Variants in RABGEF1 observed in about 807,000 individuals in gnomAD.
RABGEF1 encodes rab5 GDP/GTP exchange factor.
Under a neutral mutation model 57.3 loss-of-function variants are expected in RABGEF1, and 26 were observed. The observed-to-expected ratio is 0.45, with a 90% CI of 0.33 to 0.63. RABGEF1 has a LOEUF of 0.63. Among genes scored for constraint, RABGEF1 ranks in the 20% least tolerant of loss-of-function variants. The pLI is 0.02. For missense variants in RABGEF1, 464 were observed against 607.6 expected, an observed-to-expected ratio of 0.76 and a Z score of 2.48; for synonymous variants, 185 against 210.7, an observed-to-expected ratio of 0.88 and a Z score of 1.06.
chr7:66,681,990 A>C (rs1789786873), upstream of RABGEF1, among the ~76,000 whole-genome samples: 1 of 152,226 alleles, frequency 6.6e-6, no homozygotes, highest in African/African-American at 2.4e-5. Context: ...CTTGGGCGTC[A>C]GAGCGGCACC....
At chr7:66,693,160 T>C (rs1206084181) in intron 1 of RABGEF1, among the ~76,000 whole-genome samples, 1 of 151,944 alleles carries the variant, frequency 6.6e-6, no homozygotes, top group African/African-American at 2.4e-5. Flanking sequence ...AAGGGGGAGA[T>C]TCGGGGACAG....
chr7:66,720,845 C>G (rs547779172), intron 2 of RABGEF1, among the ~76,000 whole-genome samples: 2 of 152,186 alleles, frequency 1.3e-5, no homozygotes, highest in Non-Finnish European at 2.9e-5. Context: ...TTAGCAGAAC[C>G]AAGTGTCAAT....
At chr7:66,696,130 A>G (rs1358573133) in intron 1 of RABGEF1, among the ~76,000 whole-genome samples, 1 of 151,946 alleles carries the variant, frequency 6.6e-6, no homozygotes, top group Non-Finnish European at 1.5e-5. Flanking sequence ...CAGTGGCACA[A>G]TCATAGCTCA....
intron 2 of RABGEF1, chr7:66,773,678 G>C: frequency 2.2e-6 from 1 of 453,836 alleles, no homozygotes. Context: ...TTGTTTGTTT[G>C]TTTTTGAGAC....
intron 1 of RABGEF1, among the ~76,000 whole-genome samples, chr7:66,748,543 ATTTG>A (rs1054036047): frequency 2.3e-4 from 35 of 152,154 alleles, no homozygotes; most frequent in Non-Finnish European, 2.8e-4. Flanking sequence ...AAGGGCACAT[ATTTG>A]TTTGTTTGTT....
chr7:66,708,522 C>T (rs528952843), intron 1 of RABGEF1, among the ~76,000 whole-genome samples: 29 of 152,264 alleles, frequency 1.9e-4, no homozygotes, highest in African/African-American at 7.0e-4. Context: ...CTCCTGACCT[C>T]AAGTGATCCG....
intron 1 of RABGEF1, among the ~76,000 whole-genome samples, chr7:66,683,442 A>G (rs1562688491): frequency 6.6e-6 from 1 of 152,220 alleles, no homozygotes; most frequent in African/African-American, 2.4e-5. Flanking sequence ...ATGAATATTT[A>G]ATGACCTTTC....
At chr7:66,741,337 C>A (rs1022833201) in intron 1 of RABGEF1, among the ~76,000 whole-genome samples, 6 of 152,320 alleles carry the variant, frequency 3.9e-5, no homozygotes, top group African/African-American at 1.2e-4. Context: ...GATTTGAAGC[C>A]TGTGGTCCTG....
At chr7:66,675,755 C>T in the RABGEF1 span, among the ~76,000 whole-genome samples, 6 of 152,108 alleles carry the variant, frequency 3.9e-5, no homozygotes, top group Admixed American at 3.9e-4. Flanking sequence ...TCAACACACA[C>T]AAAAATTAGT....
chr7:66,677,761 C>CAAA (rs35401177), upstream of RABGEF1, among the ~76,000 whole-genome samples: 1 of 67,476 alleles, frequency 1.5e-5, no homozygotes, highest in African/African-American at 6.4e-5. Context: ...GACTCCGTCT[C>CAAA]AAAAAAAAAA....
intron 2 of RABGEF1, among the ~76,000 whole-genome samples, chr7:66,733,256 C>A (rs1194432402): frequency 1.3e-5 from 2 of 152,206 alleles, no homozygotes; most frequent in Non-Finnish European, 2.9e-5. Flanking sequence ...GTCCACACTG[C>A]CTCCCCACTT....
chr7:66,672,188 C>T, the RABGEF1 span, among the ~76,000 whole-genome samples: 36 of 150,320 alleles, frequency 2.4e-4, no homozygotes, highest in Non-Finnish European at 2.2e-4. Flanking sequence ...TTTGGGAGGC[C>T]GAGGCAGGCG....
chr7:66,707,628 C>A (rs1043370316), intron 1 of RABGEF1, among the ~76,000 whole-genome samples: 11 of 152,298 alleles, frequency 7.2e-5, no homozygotes, highest in African/African-American at 2.4e-4. Flanking sequence ...GTGGAAGTTG[C>A]AGTGAGCCGA....
upstream of RABGEF1, among the ~76,000 whole-genome samples, chr7:66,736,840 G>A (rs147384000): frequency 0.015 from 2,224 of 152,178 alleles, 60 homozygotes; most frequent in East Asian, 0.093. Context: ...CAGCCAGGGC[G>A]ACAGAGCGAG....
At chr7:66,695,319 A>G (rs1360034791) in intron 1 of RABGEF1, among the ~76,000 whole-genome samples, 1 of 152,150 alleles carries the variant, frequency 6.6e-6, no homozygotes, top group Admixed American at 6.6e-5. Context: ...CTCAAAAAAA[A>G]AAGGACCTCG....
intron 1 of RABGEF1, among the ~76,000 whole-genome samples, chr7:66,705,405 C>T (rs1241759275): frequency 1.5e-5 from 2 of 137,546 alleles, no homozygotes; most frequent in Admixed American, 7.9e-5. Context: ...CCACTGCACT[C>T]CAGCCTGGGC....
intron 4 of RABGEF1, among the ~76,000 whole-genome samples, chr7:66,791,347 C>G (rs917211349): frequency 6.6e-6 from 1 of 152,184 alleles, no homozygotes; most frequent in Non-Finnish European, 1.5e-5. Context: ...GATATACTCC[C>G]TGGTGAGATG....
upstream of RABGEF1, among the ~76,000 whole-genome samples, chr7:66,677,633 G>T (rs978536261): frequency 6.6e-6 from 1 of 151,834 alleles, no homozygotes; most frequent in African/African-American, 2.4e-5. Context: ...TTGGTGGCGG[G>T]TGCCTGTAGT....
chr7:66,803,369 C>T (rs1181566297), intron 7 of RABGEF1, among the ~76,000 whole-genome samples: 1 of 152,152 alleles, frequency 6.6e-6, no homozygotes, highest in East Asian at 1.9e-4. Flanking sequence ...GAGTCTGAAA[C>T]GTTTATTCCT....
Sources: gnomAD v4.1 joint callset for allele counts (sites outside exome capture counted in the v4.1 genomes callset) on GRCh38, gnomAD v4.1.1 for gene constraint, MANE v1.5 for transcripts, NCBI Gene and HGNC (gene_info 2026-07-23, HGNC 2026-07-21) for gene names.